SLC35F1: variants seen among roughly 807,000 people sequenced by gnomAD.
The protein encoded by SLC35F1 is solute carrier family 35 member F1, also known as chromosome 6 open reading frame 169.
In SLC35F1, 14 loss-of-function variants were observed where a neutral mutation model predicts 48.7. The ratio of observed to expected loss-of-function variants is 0.29; its 90% CI spans 0.19 to 0.45. The LOEUF (loss-of-function observed/expected upper bound fraction) is 0.45, where lower values mean the gene tolerates loss of function less well. Among genes scored for constraint, SLC35F1 ranks in the 20% least tolerant of loss-of-function variants. The pLI is 1.00. For missense variants in SLC35F1, 404 were observed against 500.0 expected, an observed-to-expected ratio of 0.81 and a Z score of 1.83; for synonymous variants, 190 against 202.2, an observed-to-expected ratio of 0.94 and a Z score of 0.51.
At chr6:118,114,478 A>G (rs1465069957) in intron 1 of SLC35F1, among the ~76,000 whole-genome samples, 4 of 151,898 alleles carry the variant, frequency 2.6e-5, no homozygotes, top group African/African-American at 7.3e-5. Flanking sequence ...TATATTAACC[A>G]GTTAGTCTTT....
At chr6:118,195,042 C>T (rs1263457573) in intron 2 of SLC35F1, among the ~76,000 whole-genome samples, 2 of 152,130 alleles carry the variant, frequency 1.3e-5, no homozygotes, top group African/African-American at 4.8e-5. Flanking sequence ...AGACATTAGC[C>T]ACTCTGCTTA....
intron 2 of SLC35F1, among the ~76,000 whole-genome samples, chr6:118,233,200 C>T (rs1304639054): frequency 6.6e-6 from 1 of 152,170 alleles, no homozygotes; most frequent in Non-Finnish European, 1.5e-5. Context: ...CTCTTGACCT[C>T]GTGATCTGCC....
At chr6:117,916,568 AGT>A (rs1775828593) in intron 1 of SLC35F1, among the ~76,000 whole-genome samples, 1 of 152,202 alleles carries the variant, frequency 6.6e-6, no homozygotes, top group Non-Finnish European at 1.5e-5. Context: ...AATAGCTACA[AGT>A]ATCAAGGCCC....
chr6:118,121,120 G>T (rs1039585993), intron 1 of SLC35F1, among the ~76,000 whole-genome samples: 1 of 152,274 alleles, frequency 6.6e-6, no homozygotes, highest in Middle Eastern at 3.4e-3. Flanking sequence ...AAAGGCGAAA[G>T]AATAGGTGAA....
At chr6:118,172,356 C>A (rs1774418740) in intron 2 of SLC35F1, among the ~76,000 whole-genome samples, 1 of 152,062 alleles carries the variant, frequency 6.6e-6, no homozygotes, top group African/African-American at 2.4e-5. Flanking sequence ...TGTATCCTGC[C>A]TTTTTCTATA....
At chr6:117,937,678 T>C (rs1057081357) in intron 1 of SLC35F1, among the ~76,000 whole-genome samples, 1 of 152,202 alleles carries the variant, frequency 6.6e-6, no homozygotes, top group African/African-American at 2.4e-5. Flanking sequence ...AGAATTATAA[T>C]GATTGGATTT....
intron 2 of SLC35F1, among the ~76,000 whole-genome samples, chr6:118,228,034 A>G (rs1269369945): frequency 1.3e-5 from 2 of 152,224 alleles, no homozygotes; most frequent in African/African-American, 4.8e-5. Context: ...CGTGCCACAC[A>G]GTAAGAGGCA....
intron 1 of SLC35F1, among the ~76,000 whole-genome samples, chr6:118,038,897 T>C (rs1772171171): frequency 6.6e-6 from 1 of 152,198 alleles, no homozygotes; most frequent in African/African-American, 2.4e-5. Flanking sequence ...ACTGGGATTA[T>C]AGTATTTTTG....
chr6:118,219,573 A>T (rs1775119114), intron 2 of SLC35F1, among the ~76,000 whole-genome samples: 1 of 152,128 alleles, frequency 6.6e-6, no homozygotes, highest in African/African-American at 2.4e-5. Context: ...GGGACTGTAG[A>T]CCCACAACCA....
Position 118,162,963 on chromosome 6 carries a change from T to TTC in SLC35F1, c.349+8344_349+8345insCT, listed in dbSNP as rs1389083764. Among the ~76,000 whole-genome samples the TTC allele has an allele frequency of 2.1e-5, 3 of 143,892 alleles. No individual in the cohort carries two copies. The South Asian group carries it at 6.4e-4, about 31-fold the overall frequency. 94.4% of individuals were successfully genotyped at this position (143,892 alleles called of 152,430 possible). ...TAATGTGTATGAATCTTTTCTTTCTTTTTTTTTTTTTTGAGGCGGGGTCTC... is the reference window on the plus strand; with the variant it reads ...TAATGTGTATGAATCTTTTCTTTCTTTCTTTTTTTTTTTTGAGGCGGGGTCTC... On this transcript the variant is annotated intron_variant, in intron 2 of 7. Coordinates refer to ENST00000360388, the MANE Select transcript of SLC35F1 (RefSeq NM_001029858.4).
intron 3 of SLC35F1, among the ~76,000 whole-genome samples, chr6:118,263,567 ATT>A (rs2114616598): frequency 6.6e-6 from 1 of 152,252 alleles, no homozygotes. Flanking sequence ...ATAAAATAAT[ATT>A]TGTTTATTTT....
intron 4 of SLC35F1, among the ~76,000 whole-genome samples, chr6:118,270,519 T>C (rs1043259942): frequency 5.9e-5 from 9 of 152,198 alleles, no homozygotes; most frequent in Non-Finnish European, 1.2e-4. Context: ...ACAGCACTTA[T>C]GTTCTCATTC....
chr6:118,056,805 G>A (rs931607517), intron 1 of SLC35F1, among the ~76,000 whole-genome samples: 4 of 152,148 alleles, frequency 2.6e-5, no homozygotes, highest in African/African-American at 9.7e-5. Context: ...TAATGCCCCA[G>A]GGTAGTAGGG....
chr6:117,908,033 G>T (rs1445324724), intron 1 of SLC35F1, 134 bp downstream of exon 1: 21 of 882,040 alleles, frequency 2.4e-5, no homozygotes, highest in Non-Finnish European at 2.9e-5. Context: ...AGGAGATCGG[G>T]CGACGACGCG....
At chr6:118,228,340 C>T (rs1775245917) in intron 2 of SLC35F1, among the ~76,000 whole-genome samples, 2 of 152,282 alleles carry the variant, frequency 1.3e-5, no homozygotes, top group East Asian at 1.9e-4. Flanking sequence ...AATCCTAATA[C>T]TATATTTTAG....
chr6:118,070,142 C>CAAAAAA (rs61496169), intron 1 of SLC35F1, among the ~76,000 whole-genome samples: 27 of 78,356 alleles, frequency 3.4e-4, no homozygotes, highest in Non-Finnish European at 4.5e-4. Flanking sequence ...GACTCCGTCT[C>CAAAAAA]AAAAAAAAAA....
intron 2 of SLC35F1, among the ~76,000 whole-genome samples, chr6:118,164,654 C>T (rs1774291818): frequency 6.6e-6 from 1 of 152,108 alleles, no homozygotes; most frequent in Non-Finnish European, 1.5e-5. Flanking sequence ...TATAATATGC[C>T]ATCATCAACA....
At chr6:118,085,486 C>CTTTT (rs1562285128) in intron 1 of SLC35F1, among the ~76,000 whole-genome samples, 10 of 83,010 alleles carry the variant, frequency 1.2e-4, no homozygotes, top group East Asian at 4.3e-4. Context: ...TTCTTTCTTT[C>CTTTT]CTTTTTTTTT....
chr6:118,168,601 A>T (rs1345867980), intron 2 of SLC35F1, among the ~76,000 whole-genome samples: 2 of 152,172 alleles, frequency 1.3e-5, no homozygotes, highest in Non-Finnish European at 2.9e-5. Context: ...CAGATAAGGG[A>T]TATGAGTCAC....
Sources: gnomAD v4.1 joint callset for allele counts (sites outside exome capture counted in the v4.1 genomes callset) on GRCh38, gnomAD v4.1.1 for gene constraint, MANE v1.5 for transcripts, NCBI Gene and HGNC (gene_info 2026-07-23, HGNC 2026-07-21) for gene names.